GRM5: variants seen among roughly 807,000 people sequenced by gnomAD.
The protein encoded by GRM5 is glutamate metabotropic receptor 5, also known as metabotropic glutamate receptor 5.
In GRM5, 19 loss-of-function variants were observed where a neutral mutation model predicts 83.1. The ratio of observed to expected loss-of-function variants is 0.23; its 90% CI spans 0.16 to 0.34. The LOEUF (loss-of-function observed/expected upper bound fraction) is 0.34. GRM5 is among the 10% of genes least tolerant of loss of function. The probability of loss-of-function intolerance (pLI) is 1.00; values close to 1 mark genes in which losing one functional copy is unlikely to be tolerated. For missense variants in GRM5, 1,160 were observed against 1,588.3 expected (o/e 0.73, Z 4.58); for synonymous variants, 675 against 633.6 (o/e 1.07, Z -0.98).
chr11:88,913,536 G>A (rs902046422), intron 2 of GRM5, among the ~76,000 whole-genome samples: 2 of 150,774 alleles, frequency 1.3e-5, no homozygotes, highest in Non-Finnish European at 3.0e-5. Context: ...CCTACTGGTT[G>A]GTCCCTCTTT....
intron 9 of GRM5, among the ~76,000 whole-genome samples, chr11:88,518,454 T>C (rs1181938274): frequency 4.6e-5 from 7 of 152,022 alleles, no homozygotes; most frequent in Non-Finnish European, 1.0e-4. Context: ...AATTAATTGG[T>C]AAATGGTATA....
chr11:88,529,025 C>G (rs747315337), intron 8 of GRM5, among the ~76,000 whole-genome samples: 1 of 152,046 alleles, frequency 6.6e-6, no homozygotes. Context: ...TTATTATTTA[C>G]CTTTTCTCTT....
At chr11:89,042,186 C>A (rs1420608510) in intron 2 of GRM5, among the ~76,000 whole-genome samples, 1 of 152,100 alleles carries the variant, frequency 6.6e-6, no homozygotes, top group Non-Finnish European at 1.5e-5. Flanking sequence ...TGAATTATTT[C>A]ATTTGTGGTC....
intron 4 of GRM5, among the ~76,000 whole-genome samples, chr11:88,622,820 G>T (rs1938677211): frequency 6.6e-6 from 1 of 152,062 alleles, no homozygotes; most frequent in African/African-American, 2.4e-5. Flanking sequence ...GTATGCATAT[G>T]GTTTAGCTTA....
intron 2 of GRM5, among the ~76,000 whole-genome samples, chr11:88,959,202 G>A (rs566041841): frequency 3.4e-4 from 52 of 152,118 alleles, no homozygotes; most frequent in Admixed American, 1.4e-3. Flanking sequence ...ATGTCAATTG[G>A]AAGTGTAAAC....
intron 3 of GRM5, among the ~76,000 whole-genome samples, chr11:88,684,105 T>A (rs1451263429): frequency 1.3e-5 from 2 of 152,208 alleles, no homozygotes; most frequent in Non-Finnish European, 2.9e-5. Flanking sequence ...GAGGCTTTGG[T>A]GCAGAAATAA....
At position 88,508,534 on chromosome 11, in the gene GRM5, G is replaced by T; in HGVS notation, c.*58C>A. On this transcript the variant is annotated 3_prime_UTR_variant, in exon 10 of 10. Coordinates refer to ENST00000305447, the MANE Select transcript of GRM5 (RefSeq NM_001143831.3). This position sits in a 1 kb window ranked among gnomAD's most constrained non-coding sequence, Gnocchi z 4.2. ...GGCGACTATGCTTGCCATTGTGTGT[G>T]TGTGAACACGGGGGGCTCCGCTCCG... 1.4e-6 allele frequency: 2 copies of T among 1,403,336 alleles called. No individual in the cohort carries two copies. The highest frequency in any genetic ancestry group is 1.0e-6 in the Non-Finnish European group (1 of 1,001,798). The allele number at this position is 1,403,336 out of a possible 1,614,324, so 86.9% of individuals were successfully genotyped here.
chr11:88,957,388 G>T (rs1938653175), intron 2 of GRM5, among the ~76,000 whole-genome samples: 1 of 152,178 alleles, frequency 6.6e-6, no homozygotes, highest in South Asian at 2.1e-4. Context: ...AAGCAATGTG[G>T]GATGAAATAC....
intron 3 of GRM5, among the ~76,000 whole-genome samples, chr11:88,842,246 T>A (rs1173250382): frequency 1.3e-5 from 2 of 152,202 alleles, no homozygotes; most frequent in African/African-American, 4.8e-5. Flanking sequence ...TGTGTGAGTT[T>A]GTCCAAATTA....
intron 3 of GRM5, among the ~76,000 whole-genome samples, chr11:88,687,499 A>G (rs1165692033): frequency 6.0e-5 from 1 of 16,660 alleles, no homozygotes; most frequent in Admixed American, 8.6e-4. Context: ...ACAAACAAAA[A>G]ATACACACAC....
chr11:88,672,010 C>A (rs1375841010), intron 3 of GRM5, among the ~76,000 whole-genome samples: 1 of 151,950 alleles, frequency 6.6e-6, no homozygotes, highest in Non-Finnish European at 1.5e-5. Context: ...ATAATGCTGA[C>A]TTGTAAAATT....
intron 8 of GRM5, among the ~76,000 whole-genome samples, chr11:88,546,970 TG>T (rs1357696517): frequency 6.6e-6 from 1 of 152,144 alleles, no homozygotes; most frequent in African/African-American, 2.4e-5. Flanking sequence ...TCAGATGTAT[TG>T]GTTTCTCATT....
At chr11:88,931,506 T>C (rs1201613497) in intron 2 of GRM5, among the ~76,000 whole-genome samples, 1 of 150,934 alleles carries the variant, frequency 6.6e-6, no homozygotes, top group Non-Finnish European at 1.5e-5. Flanking sequence ...GCCTTTGATC[T>C]GGGTCCCATT....
chr11:88,610,656 G>A (rs561310516), intron 4 of GRM5, among the ~76,000 whole-genome samples: 6 of 152,200 alleles, frequency 3.9e-5, no homozygotes, highest in Admixed American at 6.5e-5. Context: ...GATTCATATC[G>A]TCTGCAAAAA....
intron 3 of GRM5, among the ~76,000 whole-genome samples, chr11:88,811,369 C>G (rs1371395113): frequency 6.6e-6 from 1 of 152,146 alleles, no homozygotes; most frequent in African/African-American, 2.4e-5. Flanking sequence ...CTTTGGGAAT[C>G]TGAACCAGGA....
intron 2 of GRM5, among the ~76,000 whole-genome samples, chr11:88,894,227 C>A (rs143989985): frequency 1.3e-5 from 2 of 151,916 alleles, no homozygotes; most frequent in African/African-American, 2.4e-5. Context: ...CATACATGAT[C>A]GAACCAATCT....
chr11:88,658,592 A>G (rs1409527023), intron 3 of GRM5, among the ~76,000 whole-genome samples: 1 of 152,210 alleles, frequency 6.6e-6, no homozygotes, highest in Non-Finnish European at 1.5e-5. Context: ...AAGTAACCAC[A>G]TACAAATGAT....
intron 2 of GRM5, among the ~76,000 whole-genome samples, chr11:88,904,948 T>C (rs1163202221): frequency 6.6e-6 from 1 of 152,294 alleles, no homozygotes; most frequent in South Asian, 2.1e-4. Flanking sequence ...AAAGATCTCA[T>C]AAACAGAAGC....
chr11:88,540,503 A>G (rs1439207974), intron 8 of GRM5, among the ~76,000 whole-genome samples: 1 of 152,100 alleles, frequency 6.6e-6, no homozygotes. Flanking sequence ...CTTACTTTTG[A>G]TAGATGCAGC....
Sources: allele counts gnomAD v4.1 joint callset (sites outside exome capture counted in the v4.1 genomes callset), GRCh38; gene constraint gnomAD v4.1.1; non-coding constraint Gnocchi (gnomAD v3.1); transcripts MANE v1.5; gene names NCBI Gene and HGNC (gene_info 2026-07-23, HGNC 2026-07-21).